LAMA3: variants seen among roughly 807,000 people sequenced by gnomAD.
The protein encoded by LAMA3 is laminin subunit alpha 3, also known as laminin subunit alpha-3.
Under a neutral mutation model 402.0 loss-of-function variants are expected in LAMA3, and 281 were observed. That is an observed-to-expected ratio of 0.70 (90% CI 0.63 to 0.77). LAMA3 has a LOEUF of 0.77. Ranked by LOEUF, LAMA3 falls within the 30% of genes least tolerant of loss-of-function variation. LAMA3 has a pLI of 0.00. For synonymous variants in LAMA3, 1,431 were observed against 1,558.4 expected (o/e 0.92, Z 1.93); for missense variants, 3,840 against 4,215.5 (o/e 0.91, Z 2.47).
intron 12 of LAMA3, among the ~76,000 whole-genome samples, chr18:23,786,279 A>T (rs2062544007): frequency 6.6e-6 from 1 of 152,176 alleles, no homozygotes; most frequent in South Asian, 2.1e-4. Context: ...CACTCTCTTT[A>T]TCCTGTGCCC....
At chr18:23,911,688 A>G (rs1043003250) in intron 55 of LAMA3, among the ~76,000 whole-genome samples, 2 of 151,312 alleles carry the variant, frequency 1.3e-5, no homozygotes, top group African/African-American at 2.4e-5. Context: ...CTGAACACCT[A>G]TAATAAATAA....
chr18:23,705,475 A>ACACACACG (rs2060870902), intron 1 of LAMA3, among the ~76,000 whole-genome samples: 1 of 151,744 alleles, frequency 6.6e-6, no homozygotes, highest in African/African-American at 2.4e-5. Context: ...ACACACACAC[A>ACACACACG]CACACAGACA....
intron 4 of LAMA3, among the ~76,000 whole-genome samples, 160 bp downstream of exon 4, chr18:23,749,706 C>G (rs2061711414): frequency 6.6e-6 from 1 of 152,178 alleles, no homozygotes; most frequent in Non-Finnish European, 1.5e-5. Flanking sequence ...ACATTGAGGG[C>G]TCCCAGAATG....
Position 23,828,366 on chromosome 18 carries a change from C to T in LAMA3, c.2823+899C>T, listed in dbSNP as rs571497548. Among the ~76,000 whole-genome samples the T allele has an allele frequency of 2.0e-5, 3 of 152,108 alleles. No homozygotes were observed. The East Asian group carries it at 5.8e-4, about 29-fold the overall frequency. On this transcript the variant is annotated intron_variant, in intron 23 of 74. Transcript: ENST00000313654. ...TCATTTTATTTGAATTTTCATGCTACGAAATAATATTTACTTGTAACAAGT... is the reference window on the plus strand; with the variant it reads ...TCATTTTATTTGAATTTTCATGCTATGAAATAATATTTACTTGTAACAAGT...
chr18:23,692,861 C>T (rs2060618363), intron 1 of LAMA3, among the ~76,000 whole-genome samples: 1 of 151,918 alleles, frequency 6.6e-6, no homozygotes, highest in Non-Finnish European at 1.5e-5. Flanking sequence ...AAATATATAA[C>T]AATCCAGTTT....
chr18:23,725,133 A>G (rs2145969123), intron 2 of LAMA3, among the ~76,000 whole-genome samples: 1 of 150,624 alleles, frequency 6.6e-6, no homozygotes, highest in Admixed American at 6.6e-5. Flanking sequence ...TTTTTGAGAC[A>G]GAGTCTTGCT....
At chr18:23,875,177 G>A (rs1008659543) in intron 38 of LAMA3, among the ~76,000 whole-genome samples, 1 of 152,142 alleles carries the variant, frequency 6.6e-6, no homozygotes, top group Non-Finnish European at 1.5e-5. Flanking sequence ...TATGTGATTT[G>A]AATCTGTGCA....
chr18:23,873,113 G>T, intron 38 of LAMA3: 2 of 1,614,170 alleles, frequency 1.2e-6, no homozygotes, highest in Non-Finnish European at 1.7e-6. Context: ...CAGCCCTGGG[G>T]CAGTGTCTGG....
intron 67 of LAMA3, among the ~76,000 whole-genome samples, chr18:23,938,277 A>C (rs978171278): frequency 2.6e-5 from 4 of 151,826 alleles, no homozygotes; most frequent in Non-Finnish European, 5.9e-5. Flanking sequence ...GTGAATCCCT[A>C]CCCTTTGCTT....
Position 23,689,952 on chromosome 18 carries a change from C to A in LAMA3, c.269C>A (p.Ala90Asp). ...LYCKLVGGPT[A>D]PGSGHTIQGQ... ...TGCAAGTTGGTCGGGGGCCCCACCGCCCCAGGCAGCGGCCACACCATCCAG... is the reference window on the plus strand; with the variant it reads ...TGCAAGTTGGTCGGGGGCCCCACCGACCCAGGCAGCGGCCACACCATCCAG... The change falls in exon 1 of 75, where the codon GCC becomes GAC. Residue 90 changes from alanine (A) to aspartate (D), a missense_variant. Physicochemically the swap from Ala to Asp is moderately radical, Grantham distance 126. Transcript: ENST00000313654. 1 of 1,518,726 alleles carries A rather than the reference C, an allele frequency of 6.6e-7. No homozygotes were observed. The highest frequency in any genetic ancestry group is 8.8e-7 in the Non-Finnish European group (1 of 1,132,864). 94.1% of individuals were successfully genotyped at this position (1,518,726 alleles called of 1,614,324 possible).
rs778249170 is a variant in LAMA3 at position 23,827,307 on chromosome 18, G to T, written c.2670-7G>T. 6.2e-7 allele frequency: 1 copy of T among 1,614,094 alleles called. No individual in the cohort carries two copies. The highest frequency in any genetic ancestry group is 8.5e-7 in the Non-Finnish European group (1 of 1,179,978). ...TATTGATTCCATTGTTGTTGCTGTT[G>T]TTGAAGTTGCTTACTCTACCAGCAT... On this transcript the variant is annotated splice_polypyrimidine_tract_variant and splice_region_variant and intron_variant, in intron 22 of 74. Transcript: ENST00000313654.
rs1444718750 is a variant in LAMA3, at chr18:23,907,776, A to C, written c.6856A>C (p.Ser2286Arg). The change falls in exon 54 of 75, where the codon AGT becomes CGT. Residue 2286 changes from serine (S) to arginine (R), a missense_variant. Ser to Arg is a moderately radical substitution (Grantham distance 110, BLOSUM62 -1). This residue lies in a region of LAMA3 where 891 missense variants were observed against 857.5 expected (regional missense o/e 1.04). Transcript: ENST00000313654. ...ATTAGGTGATATTGATGCTATGATC[A>C]GTAGTGCAAAGAGCATGGTCAGAAA... The part of the protein sequence containing the change: ...IQRGDIDAMI[S>R]SAKSMVRKAN... 1.9e-6 allele frequency: 3 copies of C among 1,614,082 alleles called. No homozygotes were observed. In the African/African-American group the frequency reaches 4.0e-5, roughly 22 times the overall value.
intron 9 of LAMA3, among the ~76,000 whole-genome samples, chr18:23,774,551 C>T (rs1366784266): frequency 2.6e-5 from 4 of 152,168 alleles, no homozygotes; most frequent in African/African-American, 9.7e-5. Context: ...TTCTATTATA[C>T]AGAAGAATGC....
At chr18:23,799,816 T>C (rs1471158668) in intron 12 of LAMA3, among the ~76,000 whole-genome samples, 2 of 152,102 alleles carry the variant, frequency 1.3e-5, no homozygotes, top group Admixed American at 6.5e-5. Flanking sequence ...AATCCGTAGG[T>C]TGGACTGGCA....
Position 23,750,932 on chromosome 18 carries a change from G to A in LAMA3, c.699G>A (p.Leu233=), listed in dbSNP as rs2061739195. 1 of 1,613,940 alleles carries A rather than the reference G, an allele frequency of 6.2e-7. No individual in the cohort carries two copies. The highest frequency in any genetic ancestry group is 1.7e-5 in the Admixed American group (1 of 59,998). Residue 233 remains leucine (L), a synonymous_variant, in exon 5 of 75, where the codon TTG becomes TTA. Transcript: ENST00000313654. The part of the protein sequence containing the change: ...PLENGEVVVS[L]INGRPGAKNF... ...GGTCATTTTAGGTTGTGGTGTCCTT[G>A]ATAAACGGTCGTCCAGGTGCAAAAA...
At chr18:23,954,384 C>T (rs1406415121) in intron 74 of LAMA3, 119 bp from the exon 75 acceptor site, 1 of 831,644 alleles carries the variant, frequency 1.2e-6, no homozygotes, top group Non-Finnish European at 1.9e-6. Context: ...GCCTGGGTAA[C>T]AGAGCAGGAC....
intron 7 of LAMA3, among the ~76,000 whole-genome samples, chr18:23,758,816 CATCTT>C (rs988972488): frequency 1.3e-5 from 2 of 152,142 alleles, no homozygotes; most frequent in African/African-American, 4.8e-5. Context: ...AAAATTTTAA[CATCTT>C]ATCCATTTCA....
Position 23,898,780 on chromosome 18 carries a change from T to A in LAMA3, c.5656T>A (p.Ser1886Thr), listed in dbSNP as rs1599036167. The A allele has an allele frequency of 6.2e-7, 1 of 1,612,706 alleles. No homozygotes were observed. The highest frequency in any genetic ancestry group is 1.1e-5 in the South Asian group (1 of 91,048). ...CCGTTCTGCCATTTCAAATCATGGATCAAAAATAGAAGGCCTGGAAAGAGA... is the reference window on the plus strand; with the variant it reads ...CCGTTCTGCCATTTCAAATCATGGAACAAAAATAGAAGGCCTGGAAAGAGA... ...NYRSAISNHG[S>T]KIEGLERELT... is the part of the protein sequence containing the mutation. The change falls in exon 45 of 75, where the codon TCA becomes ACA. Residue 1886 changes from serine (S) to threonine (T), a missense_variant. Ser to Thr is a moderately conservative substitution (Grantham distance 58, BLOSUM62 1). This residue lies in a region of LAMA3 where 891 missense variants were observed against 857.5 expected (regional missense o/e 1.04). Transcript: ENST00000313654.
Position 23,709,688 on chromosome 18 carries a change from A to G in LAMA3, c.295-4232A>G, listed in dbSNP as rs548549261. ...GGCCTGTCCCAGTGATACTCATGGG[A>G]AGGAAAGAGCCTCCTCAATGATCTT... On this transcript the variant is annotated intron_variant, in intron 1 of 74. Transcript: ENST00000313654. 4.9e-5 allele frequency: 20 copies of G among 408,178 alleles called. No individual in the cohort carries two copies. In the Admixed American group the frequency reaches 7.1e-4, roughly 14 times the overall value. The allele number at this position is 408,178 out of a possible 1,614,324, so 25.3% of individuals were successfully genotyped here.
Sources: gnomAD v4.1 joint callset for allele counts (sites outside exome capture counted in the v4.1 genomes callset) on GRCh38, gnomAD v4.1.1 for gene constraint, gnomAD v4.1.1 regional missense constraint, MANE v1.5 for transcripts, NCBI Gene and HGNC (gene_info 2026-07-23, HGNC 2026-07-21) for gene names.